Variants in ZFYVE26 observed in about 807,000 individuals in gnomAD.
ZFYVE26 encodes zinc finger FYVE domain-containing protein 26.
Under a neutral mutation model 276.5 loss-of-function variants are expected in ZFYVE26, and 181 were observed. The observed-to-expected ratio is 0.65, with a 90% CI of 0.58 to 0.74. ZFYVE26 has a LOEUF of 0.74. Ranked by LOEUF, ZFYVE26 falls within the 30% of genes least tolerant of loss-of-function variation. ZFYVE26 has a pLI of 0.00. For synonymous variants in ZFYVE26, 1,129 were observed against 1,203.1 expected (o/e 0.94, Z 1.27); for missense variants, 2,821 against 3,097.9 (o/e 0.91, Z 2.12).
At chr14:67,773,329 T>A (rs1263880200) in intron 27 of ZFYVE26, among the ~76,000 whole-genome samples, 1 of 152,034 alleles carries the variant, frequency 6.6e-6, no homozygotes, top group Non-Finnish European at 1.5e-5. Context: ...GGTGGGAGGA[T>A]CACTTGAGTT....
At chr14:67,808,339 G>C (rs1158224174) in intron 4 of ZFYVE26, among the ~76,000 whole-genome samples, 1 of 152,144 alleles carries the variant, frequency 6.6e-6, no homozygotes, top group East Asian at 1.9e-4. Context: ...AAGAATGTCA[G>C]TTTTTAACCC....
chr14:67,797,450 T>C (rs2039977033), intron 12 of ZFYVE26: 1 of 603,118 alleles, frequency 1.7e-6, no homozygotes, highest in South Asian at 1.9e-5. Flanking sequence ...TATAGTATAA[T>C]GCATGTGTAT....
chr14:67,769,449 C>T (rs1013618359), intron 29 of ZFYVE26, 145 bp downstream of exon 29: 1 of 1,248,698 alleles, frequency 8.0e-7, no homozygotes, highest in African/African-American at 1.5e-5. Context: ...ACAAACCCTT[C>T]AGTGTAGAGT....
chr14:67,770,745 C>T (rs1490228572), intron 28 of ZFYVE26, among the ~76,000 whole-genome samples: 2 of 152,114 alleles, frequency 1.3e-5, no homozygotes, highest in African/African-American at 4.8e-5. Flanking sequence ...CAACTGTTGT[C>T]ATTATTAGAA....
At chr14:67,750,957 T>A in intron 41 of ZFYVE26, 95 bp downstream of exon 41, 1 of 1,464,462 alleles carries the variant, frequency 6.8e-7, no homozygotes, top group Admixed American at 1.7e-5. Context: ...ACGGGTTGTA[T>A]GGAACTATTG....
At chr14:67,778,392 G>C (rs1326079893) in intron 23 of ZFYVE26, 144 bp from the exon 24 acceptor site, 1 of 1,071,408 alleles carries the variant, frequency 9.3e-7, no homozygotes, top group Admixed American at 1.9e-5. Context: ...CAGGCTTACT[G>C]TTCATATCAC....
intron 35 of ZFYVE26, among the ~76,000 whole-genome samples, chr14:67,757,658 CTT>C (rs2038815680): frequency 7.3e-6 from 1 of 137,302 alleles, no homozygotes; most frequent in Admixed American, 6.9e-5. Context: ...TTCTTTCTTT[CTT>C]TCTTTCTTTC....
intron 20 of ZFYVE26, among the ~76,000 whole-genome samples, 159 bp from the exon 21 acceptor site, chr14:67,783,684 G>C (rs894364438): frequency 1.3e-5 from 2 of 151,978 alleles, no homozygotes; most frequent in African/African-American, 4.8e-5. Flanking sequence ...TAGACATATC[G>C]CTCTGCCCTT....
intron 13 of ZFYVE26, among the ~76,000 whole-genome samples, chr14:67,736,463 G>A (rs779689945): frequency 6.6e-6 from 1 of 152,112 alleles, no homozygotes; most frequent in Non-Finnish European, 1.5e-5. Context: ...GAAACATAAA[G>A]TTAGATTCTT....
rs1307539298 is a variant in ZFYVE26 at position 67,738,438 on chromosome 14, C to A, written n.2680-8619G>T. On this transcript the variant is annotated intron_variant and non_coding_transcript_variant, in intron 13 of 14. Coordinates refer to the ZFYVE26 transcript ENST00000394455. ...TACTTATAAATAATTATATACTAAT[C>A]TCTGTATGATTATATGATGAAATAA... Among the ~76,000 whole-genome samples the A allele has an allele frequency of 2.7e-5, 4 of 148,370 alleles. No homozygotes were observed. In the East Asian group the frequency reaches 7.8e-4, roughly 29 times the overall value.
intron 13 of ZFYVE26, among the ~76,000 whole-genome samples, chr14:67,736,913 G>GA (rs1384773860): frequency 6.6e-6 from 1 of 151,978 alleles, no homozygotes; most frequent in African/African-American, 2.4e-5. Context: ...TTGAATTGAG[G>GA]AAAGGAGGTT....
At position 67,798,612 on chromosome 14, in the gene ZFYVE26, A is replaced by G. The variant is rs1180056235; in HGVS notation, c.1650T>C (p.Asn550=). 9.3e-6 allele frequency: 15 copies of G among 1,613,772 alleles called. No homozygotes were observed. Among genetic ancestry groups the G allele is most frequent in the Non-Finnish European group, 9.3e-6 (11 of 1,180,040 alleles). Residue 550 remains asparagine (N), a synonymous_variant, in exon 11 of 42, where the codon AAT becomes AAC. Coordinates refer to ENST00000347230, the MANE Select transcript of ZFYVE26 (RefSeq NM_015346.4). ...ACCTGGCCAGGTAAGTTGAGAAGAG[A>G]TTTGCAGCACCTACAAAAACATGTA... ...NDSLSSPGAA[N]LFSTYLARCQ...
At chr14:67,768,282 A>T (rs887781290) in intron 30 of ZFYVE26, among the ~76,000 whole-genome samples, 14 of 152,256 alleles carry the variant, frequency 9.2e-5, no homozygotes, top group African/African-American at 3.4e-4. Context: ...GTTAAGAACC[A>T]AATTATTTGG....
rs556727541 is a variant in ZFYVE26, at chr14:67,759,421, C to G, written c.6588+1945G>C. On this transcript the variant is annotated intron_variant, in intron 35 of 41. Transcript: ENST00000347230. ...CAGGCGGATCACAAGGTCAAGATATCGAGACCATCGTGGCCAACATGGTGA... is the reference window on the plus strand; with the variant it reads ...CAGGCGGATCACAAGGTCAAGATATGGAGACCATCGTGGCCAACATGGTGA... Among the ~76,000 whole-genome samples, 22 of 151,438 alleles carry G rather than the reference C, an allele frequency of 1.5e-4. No individual in the cohort carries two copies. In the South Asian group the frequency reaches 4.2e-3, roughly 29 times the overall value.
At chr14:67,756,404 T>C (rs369576104) in intron 35 of ZFYVE26, 4 of 530,514 alleles carry the variant, frequency 7.5e-6, no homozygotes, top group African/African-American at 5.7e-5. Flanking sequence ...ATTTTTCTCT[T>C]GAACCCACTC....
chr14:67,758,992 C>T (rs1029248766), intron 35 of ZFYVE26, among the ~76,000 whole-genome samples: 1 of 151,948 alleles, frequency 6.6e-6, no homozygotes, highest in Non-Finnish European at 1.5e-5. Context: ...CTAATCCCAG[C>T]ACTTTGGGAG....
At chr14:67,784,211 A>G (rs541673130) in intron 20 of ZFYVE26, 123 bp downstream of exon 20, 2 of 835,882 alleles carry the variant, frequency 2.4e-6, no homozygotes, top group Non-Finnish European at 4.1e-6. Flanking sequence ...AGAATAAAAA[A>G]TTCAGTCAGG....
intron 13 of ZFYVE26, among the ~76,000 whole-genome samples, chr14:67,734,663 G>A (rs1315956530): frequency 6.6e-6 from 1 of 152,218 alleles, no homozygotes; most frequent in Non-Finnish European, 1.5e-5. Flanking sequence ...ATCCATCTGA[G>A]TTAGGCAGAC....
intron 29 of ZFYVE26, among the ~76,000 whole-genome samples, 188 bp downstream of exon 29, chr14:67,769,406 T>C (rs562601585): frequency 6.6e-6 from 1 of 152,332 alleles, no homozygotes; most frequent in East Asian, 1.9e-4. Flanking sequence ...CCCTACTTTC[T>C]CTCTTAGTGG....
Sources: allele counts gnomAD v4.1 joint callset (sites outside exome capture counted in the v4.1 genomes callset), GRCh38; gene constraint gnomAD v4.1.1; transcripts MANE v1.5; gene names NCBI Gene and HGNC (gene_info 2026-07-23, HGNC 2026-07-21).